The following ZNF276 variants were observed in gnomAD, a reference collection of about 807,000 sequenced individuals.
The protein encoded by ZNF276 is centromere protein Z.
A neutral mutation model predicts 63.9 loss-of-function variants in ZNF276; 59 were observed. The observed-to-expected ratio is 0.92, with a 90% CI of 0.75 to 1.15. ZNF276 has a LOEUF of 1.15. Among genes scored for constraint, ZNF276 ranks in the 50% most tolerant of loss-of-function variants. The pLI is 0.00. For missense variants in ZNF276, 1,084 were observed against 843.8 expected, an observed-to-expected ratio of 1.28 and a Z score of -3.53; for synonymous variants, 496 against 348.4, an observed-to-expected ratio of 1.42 and a Z score of -4.72.
chr16:89,740,496 G>C lies in ZNF276; in HGVS notation c.*2250G>C. The C allele has an allele frequency of 4.2e-6, 2 of 480,634 alleles. No individual in the cohort carries two copies. The highest frequency in any genetic ancestry group is 4.6e-5 in the South Asian group (2 of 43,194). The allele number at this position is 480,634 out of a possible 1,614,324, so 29.8% of individuals were successfully genotyped here. A position where few individuals can be genotyped will look rare whatever the true frequency, so the allele number is the denominator to read the frequency against. On this transcript the variant is annotated 3_prime_UTR_variant, in exon 11 of 11. Coordinates refer to ENST00000443381, the MANE Select transcript of ZNF276 (RefSeq NM_001113525.2). ...CTAAAAATACAAAAATTAGCCGGGT[G>C]TGACAGACTCACGCCTGTAATCCCA...
At chr16:89,734,194 C>T (rs565283573) in intron 9 of ZNF276, among the ~76,000 whole-genome samples, 156 bp downstream of exon 9, 55 of 152,288 alleles carry the variant, frequency 3.6e-4, no homozygotes, top group African/African-American at 1.3e-3. Flanking sequence ...TAGATGAAGG[C>T]TAGAGTAGGG....
At chr16:89,727,681 G>C (rs1249873300) in intron 5 of ZNF276, among the ~76,000 whole-genome samples, 1 of 152,220 alleles carries the variant, frequency 6.6e-6, no homozygotes, top group Non-Finnish European at 1.5e-5. Flanking sequence ...GCTCCAGAGG[G>C]AGCCTGATAG....
At chr16:89,724,303 G>A (rs1567566557) in intron 4 of ZNF276, among the ~76,000 whole-genome samples, 1 of 152,228 alleles carries the variant, frequency 6.6e-6, no homozygotes, top group Non-Finnish European at 1.5e-5. Context: ...CTCTTGTCCT[G>A]TGTGTGCTCT....
intron 6 of ZNF276, chr16:89,732,962 C>A: frequency 2.9e-6 from 1 of 350,230 alleles, no homozygotes; most frequent in East Asian, 7.1e-5. Context: ...CTGCTGTGCC[C>A]TCCCCCTCTG....
rs1060501887 is a variant in ZNF276, at chr16:89,738,881, C to T, written c.*635C>T. On this transcript the variant is annotated 3_prime_UTR_variant, in exon 11 of 11. Coordinates refer to ENST00000443381, the MANE Select transcript of ZNF276 (RefSeq NM_001113525.2). Reference sequence around the variant, plus strand: ...GCCCAAGGTGGGCATCTTGACGTTACCTCTGCCACGTGTGAGAAGCTCTTT... The same window carrying T: ...GCCCAAGGTGGGCATCTTGACGTTATCTCTGCCACGTGTGAGAAGCTCTTT... The T allele has an allele frequency of 1.2e-6, 2 of 1,614,276 alleles. No individual in the cohort carries two copies. The highest frequency in any genetic ancestry group is 1.3e-5 in the African/African-American group (1 of 75,082).
At chr16:89,729,040 T>TTGTGGGG (rs1197445125) in intron 5 of ZNF276, among the ~76,000 whole-genome samples, 195 bp from the exon 6 acceptor site, 2 of 152,258 alleles carry the variant, frequency 1.3e-5, no homozygotes, top group African/African-American at 4.8e-5. Flanking sequence ...TGGGGATTGC[T>TTGTGGGG]GGCTTGTGAG....
At chr16:89,720,394 C>T (rs557322242), upstream of ZNF276, 1 of 1,000,928 alleles carries the variant, frequency 1.0e-6, no homozygotes, top group South Asian at 4.6e-5. Flanking sequence ...CTGTGGCAAC[C>T]GGATTAAATC....
Position 89,734,008 on chromosome 16 carries a change from C to G in ZNF276, c.1444C>G (p.Leu482Val). The change falls in exon 9 of 11, where the codon CTG becomes GTG. Residue 482 changes from leucine (L) to valine (V), a missense_variant. Transcript: ENST00000443381. ...CAAGGTTTTCATGATCGACCGCTAC[C>G]TGCAGCGCCACGTGAAGCTCATCCA... Reference protein sequence around the residue: ...CNKVFMIDRYLQRHVKLIHTE... With the variant: ...CNKVFMIDRYVQRHVKLIHTE... 2 of 1,614,124 alleles carry G rather than the reference C, an allele frequency of 1.2e-6. No individual in the cohort carries two copies. Among genetic ancestry groups the G allele is most frequent in the Non-Finnish European group, 8.5e-7 (1 of 1,180,038 alleles).
chr16:89,723,922 G>A (rs2061388934), intron 4 of ZNF276, among the ~76,000 whole-genome samples: 2 of 152,384 alleles, frequency 1.3e-5, no homozygotes, highest in Admixed American at 1.3e-4. Context: ...GCTCCTCTGT[G>A]AGCAGGGCTC....
At position 89,739,352 on chromosome 16, in the gene ZNF276, A is replaced by G; in HGVS notation, c.*1106A>G. 6.2e-7 allele frequency: 1 copy of G among 1,602,284 alleles called. No homozygotes were observed. Among genetic ancestry groups the G allele is most frequent in the South Asian group, 1.1e-5 (1 of 90,414 alleles). ...GCTGGAAAGGTAGCAGGTGATGCCA[A>G]GGGATACTGCTCATCTGTGGAGCAG... On this transcript the variant is annotated 3_prime_UTR_variant, in exon 11 of 11. Coordinates refer to ENST00000443381, the MANE Select transcript of ZNF276 (RefSeq NM_001113525.2).
intron 4 of ZNF276, among the ~76,000 whole-genome samples, chr16:89,724,612 A>G (rs7189711): frequency 0.4 from 60,091 of 151,980 alleles, 13,050 homozygotes; most frequent in East Asian, 0.76. Context: ...GCACAACCGT[A>G]CTCCAGCCTG....
chr16:89,739,898 C>A lies in ZNF276; in HGVS notation c.*1652C>A. ...AAATGGAGCTTATAAACTTACTTAGCAAGGAACCTCAAGGAGGGCTCGTTC... is the reference window on the plus strand; with the variant it reads ...AAATGGAGCTTATAAACTTACTTAGAAAGGAACCTCAAGGAGGGCTCGTTC... On this transcript the variant is annotated 3_prime_UTR_variant, in exon 11 of 11. Coordinates refer to ENST00000443381, the MANE Select transcript of ZNF276 (RefSeq NM_001113525.2). 1.3e-6 allele frequency: 2 copies of A among 1,575,316 alleles called. No homozygotes were observed. Among genetic ancestry groups the A allele is most frequent in the Non-Finnish European group, 1.7e-6 (2 of 1,159,778 alleles).
At chr16:89,737,627 T>G in intron 9 of ZNF276, 179 bp from the exon 10 acceptor site, 1 of 1,223,554 alleles carries the variant, frequency 8.2e-7, no homozygotes, top group Non-Finnish European at 1.1e-6. Context: ...TGACAGTGTA[T>G]AAAGCAGTTT....
At chr16:89,731,031 C>G (rs1267474024) in intron 6 of ZNF276, among the ~76,000 whole-genome samples, 1 of 152,226 alleles carries the variant, frequency 6.6e-6, no homozygotes, top group Admixed American at 6.5e-5. Context: ...ATTCCCGTCC[C>G]AAACACGAGG....
chr16:89,728,561 C>T (rs2061543008), intron 5 of ZNF276, among the ~76,000 whole-genome samples: 1 of 152,182 alleles, frequency 6.6e-6, no homozygotes, highest in Admixed American at 6.5e-5. Context: ...CGCCACCACG[C>T]CCGGCTAATT....
chr16:89,720,777 C>T (rs1177232648), upstream of ZNF276: 31 of 1,455,038 alleles, frequency 2.1e-5, no homozygotes, highest in Admixed American at 1.5e-4. Context: ...GGCCGGTTGC[C>T]GGTGTCCAGC....
rs778624216 is a variant in ZNF276 at position 89,722,712 on chromosome 16, C to T, written c.387C>T (p.Pro129=). The T allele has an allele frequency of 6.2e-7, 1 of 1,612,378 alleles. No individual in the cohort carries two copies. The highest frequency in any genetic ancestry group is 2.2e-5 in the East Asian group (1 of 44,884). ...TTGGTGTGGCTGTCCGCCAGGACCCCACCTTGTCTCCGTTTGTCTGCAAGA... is the reference window on the plus strand; with the variant it reads ...TTGGTGTGGCTGTCCGCCAGGACCCTACCTTGTCTCCGTTTGTCTGCAAGA... ...RLLGVAVRQD[P]TLSPFVCKSC... Residue 129 remains proline (P), a synonymous_variant, in exon 2 of 11, where the codon CCC becomes CCT. Transcript: ENST00000443381.
intron 5 of ZNF276, among the ~76,000 whole-genome samples, chr16:89,727,559 G>T (rs901791859): frequency 5.3e-5 from 8 of 152,166 alleles, no homozygotes; most frequent in Non-Finnish European, 1.2e-4. Flanking sequence ...CCCTGGTTGG[G>T]ACACGCCTCC....
rs1261384324 is a variant in ZNF276 at position 89,740,035 on chromosome 16, C to G, written c.*1789C>G. 5.6e-6 allele frequency: 9 copies of G among 1,614,094 alleles called. No individual in the cohort carries two copies. The highest frequency in any genetic ancestry group is 7.6e-6 in the Non-Finnish European group (9 of 1,180,050). On this transcript the variant is annotated 3_prime_UTR_variant, in exon 11 of 11. Coordinates refer to ENST00000443381, the MANE Select transcript of ZNF276 (RefSeq NM_001113525.2). Reference sequence around the variant, plus strand: ...AAAGAGTGCCAGCCAGGATATCTTCCTCTTCTCTAAACACTCGAGGATTGC... The same window carrying G: ...AAAGAGTGCCAGCCAGGATATCTTCGTCTTCTCTAAACACTCGAGGATTGC...
Sources: gnomAD v4.1 joint callset for allele counts (sites outside exome capture counted in the v4.1 genomes callset) on GRCh38, gnomAD v4.1.1 for gene constraint, MANE v1.5 for transcripts, NCBI Gene and HGNC (gene_info 2026-07-23, HGNC 2026-07-21) for gene names.